EIF3H: variants seen among roughly 807,000 people sequenced by gnomAD.
EIF3H encodes eukaryotic translation initiation factor 3 subunit H.
In EIF3H, 26 loss-of-function variants were observed where a neutral mutation model predicts 44.2. The observed-to-expected ratio is 0.59, with a 90% CI of 0.43 to 0.82. EIF3H has a LOEUF of 0.82. Among genes scored for constraint, EIF3H ranks in the 40% least tolerant of loss-of-function variants. The pLI, the probability that EIF3H is intolerant of heterozygous loss-of-function variation, is 0.00. For missense variants in EIF3H, 359 were observed against 432.8 expected (o/e 0.83, Z 1.51); for synonymous variants, 166 against 151.9 (o/e 1.09, Z -0.68).
chr8:116,755,886 C>G, upstream of EIF3H: 1 of 1,576,354 alleles, frequency 6.3e-7, no homozygotes, highest in Non-Finnish European at 8.6e-7. Context: ...GGCCGGCGTT[C>G]GAGGGGCGGA....
At position 116,744,917 on chromosome 8, in the gene EIF3H, C is replaced by T. The variant is rs1328200824; in HGVS notation, c.132+10749G>A. Among the ~76,000 whole-genome samples the T allele has an allele frequency of 2.6e-5, 4 of 152,262 alleles. No individual in the cohort carries two copies. In the East Asian group the frequency reaches 5.8e-4, roughly 22 times the overall value. On this transcript the variant is annotated intron_variant, in intron 1 of 7. Coordinates refer to ENST00000521861, the MANE Select transcript of EIF3H (RefSeq NM_003756.3). ...TTTCAAACTTCATGCTTTGTAGAGG[C>T]TTTTTTCTCCAAGGTATGGGCTAGG...
At chr8:116,720,961 T>C (rs1025624248) in intron 2 of EIF3H, among the ~76,000 whole-genome samples, 1 of 151,926 alleles carries the variant, frequency 6.6e-6, no homozygotes, top group Non-Finnish European at 1.5e-5. Context: ...AGCCTAACAA[T>C]GCGATAGAAA....
At chr8:116,694,509 G>T (rs1814233906) in intron 2 of EIF3H, among the ~76,000 whole-genome samples, 2 of 152,134 alleles carry the variant, frequency 1.3e-5, no homozygotes, top group African/African-American at 4.8e-5. Context: ...TAAAAATTTA[G>T]CCTTTTGCCA....
At chr8:116,661,054 A>G (rs1232610581) in intron 2 of EIF3H, among the ~76,000 whole-genome samples, 6 of 152,198 alleles carry the variant, frequency 3.9e-5, no homozygotes, top group Admixed American at 6.5e-5. Flanking sequence ...CTAGTTTAAC[A>G]GATTCACATC....
intron 1 of EIF3H, among the ~76,000 whole-genome samples, chr8:116,750,655 C>T (rs962355119): frequency 2.0e-5 from 3 of 151,806 alleles, no homozygotes; most frequent in African/African-American, 7.2e-5. Flanking sequence ...GTGTGATCTG[C>T]CTGCCTTGGC....
At chr8:116,698,670 C>G (rs1041318428) in intron 2 of EIF3H, among the ~76,000 whole-genome samples, 1 of 152,224 alleles carries the variant, frequency 6.6e-6, no homozygotes, top group South Asian at 2.1e-4. Flanking sequence ...CTGCATCTCT[C>G]GGCATCCTTG....
At chr8:116,709,831 G>A (rs921832269) in intron 2 of EIF3H, among the ~76,000 whole-genome samples, 1 of 152,186 alleles carries the variant, frequency 6.6e-6, no homozygotes, top group Admixed American at 6.5e-5. Flanking sequence ...AATACGAAGA[G>A]ATAAATAAGA....
chr8:116,729,212 C>G (rs1814910963), intron 1 of EIF3H, among the ~76,000 whole-genome samples: 1 of 152,130 alleles, frequency 6.6e-6, no homozygotes. Flanking sequence ...CATAGTTCTT[C>G]AGACAAATTC....
chr8:116,669,503 T>C (rs1419523841), intron 2 of EIF3H, among the ~76,000 whole-genome samples: 3 of 152,180 alleles, frequency 2.0e-5, no homozygotes, highest in Non-Finnish European at 4.4e-5. Context: ...CAAGGCTATC[T>C]GAAAAAACTG....
intron 2 of EIF3H, among the ~76,000 whole-genome samples, chr8:116,659,655 T>C (rs948221163): frequency 7.2e-5 from 11 of 152,204 alleles, no homozygotes; most frequent in African/African-American, 2.2e-4. Flanking sequence ...TGACCATGTA[T>C]AGAATGAAAA....
At chr8:116,659,829 T>C (rs1025720746) in intron 2 of EIF3H, among the ~76,000 whole-genome samples, 2 of 152,106 alleles carry the variant, frequency 1.3e-5, no homozygotes, top group African/African-American at 2.4e-5. Context: ...ACAGCAAATA[T>C]ATAATACAGG....
intron 2 of EIF3H, among the ~76,000 whole-genome samples, chr8:116,685,429 AAC>A (rs1449309151): frequency 6.6e-6 from 1 of 152,210 alleles, no homozygotes; most frequent in African/African-American, 2.4e-5. Flanking sequence ...TATTTGGAGA[AAC>A]AGTTTTATAA....
At chr8:116,654,890 A>C (rs1038656508) in intron 5 of EIF3H, among the ~76,000 whole-genome samples, 2 of 145,474 alleles carry the variant, frequency 1.4e-5, no homozygotes, top group Admixed American at 7.2e-5. Flanking sequence ...ATATCGAGGA[A>C]GTACAAAGTC....
intron 1 of EIF3H, among the ~76,000 whole-genome samples, chr8:116,728,757 T>C (rs1814898817): frequency 6.6e-6 from 1 of 152,164 alleles, no homozygotes; most frequent in Non-Finnish European, 1.5e-5. Flanking sequence ...AGTATGGGTA[T>C]GAGTTCCAGC....
At chr8:116,765,031 A>G (rs1815555608) in intron 1 of EIF3H, among the ~76,000 whole-genome samples, 1 of 152,202 alleles carries the variant, frequency 6.6e-6, no homozygotes, top group South Asian at 2.1e-4. Flanking sequence ...AAAGTGGCCA[A>G]GGAGCTGGTA....
At chr8:116,681,343 T>A (rs1050200495) in intron 2 of EIF3H, among the ~76,000 whole-genome samples, 1 of 146,764 alleles carries the variant, frequency 6.8e-6, no homozygotes, top group African/African-American at 2.5e-5. Context: ...GCCTGCGTAA[T>A]ACAGCAAGAC....
At chr8:116,761,699 C>G (rs117225639) in intron 1 of EIF3H, among the ~76,000 whole-genome samples, 1 of 152,182 alleles carries the variant, frequency 6.6e-6, no homozygotes, top group East Asian at 1.9e-4. Context: ...ATGATGGGCA[C>G]TTCCTGTTTA....
chr8:116,659,078 AT>A (rs1813543184), intron 2 of EIF3H, 98 bp from the exon 3 acceptor site: 1 of 1,002,424 alleles, frequency 1.0e-6, no homozygotes. Flanking sequence ...CTACATAACA[AT>A]TTATTAGCAA....
chr8:116,683,202 A>G (rs1814020162), intron 2 of EIF3H, among the ~76,000 whole-genome samples: 1 of 152,174 alleles, frequency 6.6e-6, no homozygotes, highest in Admixed American at 6.5e-5. Flanking sequence ...CCAATTTTCA[A>G]TTTCACTTGT....
Sources: gnomAD v4.1 joint callset for allele counts (sites outside exome capture counted in the v4.1 genomes callset) on GRCh38, gnomAD v4.1.1 for gene constraint, MANE v1.5 for transcripts, NCBI Gene and HGNC (gene_info 2026-07-23, HGNC 2026-07-21) for gene names.